The following SLC6A16 variants were observed in gnomAD, a reference collection of about 807,000 sequenced individuals.
SLC6A16 encodes the protein orphan sodium- and chloride-dependent neurotransmitter transporter NTT5.
SLC6A16 carries 54 observed loss-of-function variants against 65.4 expected under a neutral mutation model. The ratio of observed to expected loss-of-function variants is 0.83; its 90% CI spans 0.66 to 1.04. The LOEUF is 1.04. Ranked by LOEUF, SLC6A16 falls within the 50% of genes least tolerant of loss-of-function variation. The pLI, the probability that SLC6A16 is intolerant of heterozygous loss-of-function variation, is 0.00. For missense variants in SLC6A16, 816 were observed against 914.0 expected, an observed-to-expected ratio of 0.89 and a Z score of 1.38; for synonymous variants, 330 against 346.5, an observed-to-expected ratio of 0.95 and a Z score of 0.53.
At chr19:49,293,786 G>A in intron 9 of SLC6A16, 41 bp downstream of exon 9, 1 of 1,557,082 alleles carries the variant, frequency 6.4e-7, no homozygotes, top group Non-Finnish European at 8.8e-7. Context: ...TGGTGTCAGG[G>A]GTCAGGGTCA....
upstream of SLC6A16, among the ~76,000 whole-genome samples, chr19:49,326,184 A>G (rs919467877): frequency 6.6e-6 from 1 of 152,052 alleles, no homozygotes. Flanking sequence ...AAAAAAAGGA[A>G]AAAAAAGAAA....
At chr19:49,322,309 A>G (rs1970724836) in intron 1 of SLC6A16, among the ~76,000 whole-genome samples, 1 of 152,162 alleles carries the variant, frequency 6.6e-6, no homozygotes, top group Admixed American at 6.6e-5. Context: ...TATGAAAACA[A>G]TTCCATTTGT....
the SLC6A16 span, among the ~76,000 whole-genome samples, chr19:49,334,253 G>A: frequency 6.6e-6 from 1 of 152,152 alleles, no homozygotes; most frequent in Non-Finnish European, 1.5e-5. Flanking sequence ...GGAGGCCAAG[G>A]CAGGAGGATC....
intron 1 of SLC6A16, among the ~76,000 whole-genome samples, chr19:49,321,320 A>T (rs888555344): frequency 1.2e-4 from 1 of 8,498 alleles, no homozygotes; most frequent in Non-Finnish European, 1.8e-4. Flanking sequence ...CTTTCATGAT[A>T]AAAAAAAAAA....
intron 7 of SLC6A16, among the ~76,000 whole-genome samples, chr19:49,301,246 G>C (rs1313655308): frequency 2.6e-5 from 4 of 152,006 alleles, no homozygotes; most frequent in African/African-American, 7.2e-5. Flanking sequence ...TCCCTGGCTC[G>C]CATAACCCTC....
chr19:49,321,166 G>T (rs190794427), intron 1 of SLC6A16, among the ~76,000 whole-genome samples: 24 of 152,204 alleles, frequency 1.6e-4, no homozygotes, highest in Admixed American at 1.2e-3. Flanking sequence ...TATATACCAT[G>T]ACCAAGTGGG....
Position 49,309,338 on chromosome 19 carries a change from C to T in SLC6A16, c.950G>A (p.Gly317Glu), listed in dbSNP as rs1231750595. The change falls in exon 6 of 12, where the codon GGG becomes GAG. Residue 317 changes from glycine (G) to glutamate (E), a missense_variant. Physicochemically the swap from Gly to Glu is moderately conservative, Grantham distance 98. Transcript: ENST00000335875. ...CAACTGTTGAAGGCCAAATTTTGCC[C>T]CTTCCAGGAGTAGAGTCCGGATGAA... The part of the protein sequence containing the change: ...GFFIRTLLLE[G>E]AKFGLQQLVV... 6.2e-7 allele frequency: 1 copy of T among 1,613,934 alleles called. No individual in the cohort carries two copies. The highest frequency in any genetic ancestry group is 2.2e-5 in the East Asian group (1 of 44,892).
chr19:49,316,781 A>G (rs532686980), intron 1 of SLC6A16, among the ~76,000 whole-genome samples: 10 of 151,822 alleles, frequency 6.6e-5, no homozygotes, highest in Non-Finnish European at 1.5e-4. Flanking sequence ...GTACTTTGGG[A>G]GGCCAAGGCA....
intron 1 of SLC6A16, among the ~76,000 whole-genome samples, chr19:49,320,482 G>A (rs1970693054): frequency 6.7e-6 from 1 of 148,780 alleles, no homozygotes; most frequent in African/African-American, 2.5e-5. Context: ...TAAGAAACTA[G>A]AAAAGCAAAC....
chr19:49,339,394 T>A, the SLC6A16 span: 1 of 1,613,966 alleles, frequency 6.2e-7, no homozygotes, highest in East Asian at 2.2e-5. The surrounding 1 kb of genome is among the most constrained non-coding windows in gnomAD (Gnocchi z 4.5). Flanking sequence ...GGCATTTGCC[T>A]GGGCGTCGGC....
chr19:49,325,327 C>T, upstream of SLC6A16: 2 of 781,040 alleles, frequency 2.6e-6, no homozygotes, highest in Non-Finnish European at 3.1e-6. Context: ...CACGCACGCA[C>T]GTGTGCACAT....
rs1198683312 is a variant in SLC6A16, at chr19:49,292,871, T to C, written c.1778+352A>G. On this transcript the variant is annotated intron_variant, in intron 10 of 11. Transcript: ENST00000335875. The surrounding 1 kb of genome is among the most constrained non-coding windows in gnomAD (Gnocchi z 4.3). ...ACACACACTCCCACTATGTGCCATC[T>C]GACCTCATCCTTTGATTCTTCCTAT... 6.6e-6 allele frequency among the ~76,000 whole-genome samples: 1 copy of C among 152,228 alleles called. No homozygotes were observed. Among genetic ancestry groups the C allele is most frequent in the African/African-American group, 2.4e-5 (1 of 41,464 alleles).
chr19:49,332,305 C>G, the SLC6A16 span: 1 of 456,478 alleles, frequency 2.2e-6, no homozygotes. Flanking sequence ...GCCTGTAATC[C>G]CAGAACTTTG....
rs1208960283 is a variant in SLC6A16, at chr19:49,294,120, ACTC to A, written c.1417-95_1417-93del. 6.0e-6 allele frequency: 7 copies of A among 1,159,436 alleles called. No individual in the cohort carries two copies. The African/African-American group carries it at 6.2e-5, about 10-fold the overall frequency. 71.8% of individuals were successfully genotyped at this position (1,159,436 alleles called of 1,614,324 possible). Reference sequence around the variant, plus strand: ...GTATACATTCTATCTTCCCTGGAAAACTCCTGAAAATCCCTGGATCACTGAGAA... The same window carrying A: ...GTATACATTCTATCTTCCCTGGAAAACTGAAAATCCCTGGATCACTGAGAA... On this transcript the variant is annotated intron_variant, in intron 8 of 11. Coordinates refer to ENST00000335875, the MANE Select transcript of SLC6A16 (RefSeq NM_014037.3).
At chr19:49,305,008 A>G (rs753673853) in intron 7 of SLC6A16, among the ~76,000 whole-genome samples, 1 of 152,252 alleles carries the variant, frequency 6.6e-6, no homozygotes, top group Non-Finnish European at 1.5e-5. Context: ...GATTGAATAA[A>G]TACAGCCACA....
intron 1 of SLC6A16, among the ~76,000 whole-genome samples, chr19:49,316,024 G>A (rs1444062160): frequency 1.3e-5 from 2 of 152,084 alleles, no homozygotes; most frequent in African/African-American, 4.8e-5. Context: ...TATCTATGTG[G>A]AAGATCCAGA....
intron 1 of SLC6A16, among the ~76,000 whole-genome samples, chr19:49,315,213 G>A (rs1182816491): frequency 6.6e-6 from 1 of 152,190 alleles, no homozygotes; most frequent in East Asian, 1.9e-4. Flanking sequence ...TCCTGATGAA[G>A]TGGTTCAGTG....
At chr19:49,303,142 A>G (rs1286403807) in intron 7 of SLC6A16, among the ~76,000 whole-genome samples, 1 of 152,182 alleles carries the variant, frequency 6.6e-6, no homozygotes, top group East Asian at 1.9e-4. Context: ...ATAAAATTCA[A>G]CCCAAAGAAG....
chr19:49,298,728 T>C (rs1180466378), intron 7 of SLC6A16, among the ~76,000 whole-genome samples: 2 of 152,144 alleles, frequency 1.3e-5, no homozygotes, highest in African/African-American at 4.8e-5. Context: ...GGAAAATAAA[T>C]CGTTCTACCA....
Sources: allele counts gnomAD v4.1 joint callset (sites outside exome capture counted in the v4.1 genomes callset), GRCh38; gene constraint gnomAD v4.1.1; non-coding constraint Gnocchi (gnomAD v3.1); transcripts MANE v1.5; gene names NCBI Gene and HGNC (gene_info 2026-07-23, HGNC 2026-07-21).